The following SLC52A3 variants were observed in gnomAD, a reference collection of about 807,000 sequenced individuals.
The protein encoded by SLC52A3 is solute carrier family 52 member 3.
In SLC52A3, 20 loss-of-function variants were observed where a neutral mutation model predicts 29.5. The ratio of observed to expected loss-of-function variants is 0.68; its 90% CI spans 0.48 to 0.99. The LOEUF is 0.99. Ranked by LOEUF, SLC52A3 falls within the 50% of genes least tolerant of loss-of-function variation. The pLI is 0.00. For missense variants in SLC52A3, 548 were observed against 612.9 expected (o/e 0.89, Z 1.12); for synonymous variants, 301 against 271.0 (o/e 1.11, Z -1.09).
chr20:761,694 T>C lies in SLC52A3; in HGVS notation c.1197+7A>G. ...AGCGGGAGCAGCCCCACCGGCCGGA[T>C]ACTCACAATGAGGACTTCCCCACCC... On this transcript the variant is annotated splice_region_variant and intron_variant, in intron 4 of 4. Transcript: ENST00000645534. The C allele has an allele frequency of 6.2e-7, 1 of 1,613,600 alleles. No homozygotes were observed. Among genetic ancestry groups the C allele is most frequent in the Non-Finnish European group, 8.5e-7 (1 of 1,179,900 alleles).
intron 1 of SLC52A3, chr20:766,343 G>GTTCAATCCAACACACAAAAACAAAAA: frequency 6.5e-6 from 1 of 154,558 alleles, no homozygotes. Context: ...TTCTGCAAAA[G>GTTCAATCCAACACACAAAAACAAAAA]ATACCAACAG....
chr20:765,527 G>T lies in SLC52A3; in HGVS notation c.248C>A (p.Thr83Asn). The change falls in exon 2 of 5, where the codon ACC becomes AAC. Residue 83 changes from threonine (T) to asparagine (N), a missense_variant. This residue lies in a region of SLC52A3 where 375 missense variants were observed against 471.1 expected (regional missense o/e 0.80). Transcript: ENST00000645534. This position sits in a 1 kb window ranked among gnomAD's most constrained non-coding sequence, Gnocchi z 6.6. Reference protein sequence around the residue: ...PIIFTLLGVGTVTCIIFAFLW... With the variant: ...PIIFTLLGVGNVTCIIFAFLW... ...GAAGGCAAAGATGATGCAGGTGACG[G>T]TTCCCACGCCCAGCAGGGTGAAGAT... is the stretch of plus-strand genomic sequence containing the variant. The T allele has an allele frequency of 4.4e-6, 7 of 1,577,156 alleles. No homozygotes were observed. The highest frequency in any genetic ancestry group is 6.0e-6 in the Non-Finnish European group (7 of 1,161,244).
At chr20:777,737 G>A (rs1255030339), upstream of SLC52A3, among the ~76,000 whole-genome samples, 4 of 152,128 alleles carry the variant, frequency 2.6e-5, no homozygotes, top group African/African-American at 9.7e-5. Flanking sequence ...CAGACCCCTC[G>A]CTTAGCAGGC....
chr20:775,756 C>G (rs564837256), intron 1 of SLC52A3, among the ~76,000 whole-genome samples: 2 of 152,298 alleles, frequency 1.3e-5, no homozygotes, highest in East Asian at 3.9e-4. Context: ...GAGGAGGAAA[C>G]CTTTCTTCCC....
chr20:766,714 C>T (rs935099936), intron 1 of SLC52A3, among the ~76,000 whole-genome samples: 22 of 152,100 alleles, frequency 1.4e-4, no homozygotes, highest in African/African-American at 4.6e-4. Flanking sequence ...GGACTCAGCC[C>T]GCCTGCACCC....
chr20:761,420 G>T, intron 4 of SLC52A3, 182 bp from the exon 5 acceptor site: 1 of 783,776 alleles, frequency 1.3e-6, no homozygotes, highest in Non-Finnish European at 2.0e-6. Flanking sequence ...GGGCGAAGGA[G>T]AATCCAGTGG....
chr20:765,206 A>G lies in SLC52A3; in HGVS notation c.567+2T>C, dbSNP rs1371481945. On this transcript the variant is annotated splice_donor_variant, in intron 2 of 4. Coordinates refer to ENST00000645534, the MANE Select transcript of SLC52A3 (RefSeq NM_033409.4). LOFTEE classifies it high-confidence loss of function. The surrounding 1 kb of genome is among the most constrained non-coding windows in gnomAD (Gnocchi z 6.6). The stretch of plus-strand genomic sequence containing the variant: ...GAGATGGCTCCGGGTGATGCTGGGT[A>G]CCTGTGCGATGTCAGTCTCCCTCGT... 1.9e-6 allele frequency: 3 copies of G among 1,614,088 alleles called. No homozygotes were observed. Among genetic ancestry groups the G allele is most frequent in the South Asian group, 1.1e-5 (1 of 91,070 alleles).
At chr20:776,635 T>C (rs73602148), upstream of SLC52A3, among the ~76,000 whole-genome samples, 3 of 152,172 alleles carry the variant, frequency 2.0e-5, no homozygotes, top group African/African-American at 7.2e-5. Context: ...AGGGGTTCTT[T>C]CTGCCCACTG....
At chr20:778,993 TAATG>T (rs1987142482), upstream of SLC52A3, among the ~76,000 whole-genome samples, 2 of 152,222 alleles carry the variant, frequency 1.3e-5, no homozygotes, top group South Asian at 4.1e-4. Flanking sequence ...AATTTTTTAA[TAATG>T]AAACATCAAT....
intron 1 of SLC52A3, among the ~76,000 whole-genome samples, chr20:774,546 C>A (rs527554585): frequency 6.6e-6 from 1 of 152,080 alleles, no homozygotes; most frequent in Non-Finnish European, 1.5e-5. Context: ...CAGAAAGAAC[C>A]GAAAGCTAGA....
chr20:763,063 G>A (rs1049978759), intron 3 of SLC52A3, among the ~76,000 whole-genome samples: 3 of 152,246 alleles, frequency 2.0e-5, no homozygotes, highest in African/African-American at 7.2e-5. Flanking sequence ...AGGCAGGGCC[G>A]AAATCCTGGG....
Position 763,824 on chromosome 20 carries a change from CT to C in SLC52A3, c.746del (p.Glu249GlyfsTer40). On this transcript the variant is annotated frameshift_variant, in exon 3 of 5. Transcript: ENST00000645534. LOFTEE classifies it high-confidence loss of function. ...CATTGAGGAGGTCTTCCACGGAAGC[CT>C]CCCAGCACCTGGGTTGACGCTGGAG... ...FVLQRQPRCW[E>X]ASVEDLLNDQ... is the part of the protein sequence containing the mutation. 1 of 1,614,120 alleles carries C rather than the reference CT, an allele frequency of 6.2e-7. No homozygotes were observed. Among genetic ancestry groups the C allele is most frequent in the Non-Finnish European group, 8.5e-7 (1 of 1,180,000 alleles).
upstream of SLC52A3, among the ~76,000 whole-genome samples, chr20:771,740 T>C (rs1292005443): frequency 6.6e-6 from 1 of 151,330 alleles, no homozygotes; most frequent in East Asian, 1.9e-4. Flanking sequence ...CATATAGCAT[T>C]TGGTACCAAA....
upstream of SLC52A3, among the ~76,000 whole-genome samples, chr20:779,686 C>T (rs1211852715): frequency 6.6e-6 from 1 of 152,192 alleles, no homozygotes; most frequent in African/African-American, 2.4e-5. Flanking sequence ...TAACTCTTAA[C>T]TGTACAACTT....
upstream of SLC52A3, among the ~76,000 whole-genome samples, chr20:776,399 T>C (rs947771878): frequency 6.6e-6 from 1 of 152,194 alleles, no homozygotes; most frequent in African/African-American, 2.4e-5. Context: ...TAACTGCCAG[T>C]GTGCACTGAG....
At position 763,782 on chromosome 20, in the gene SLC52A3, G is replaced by C. The variant is rs762346537; in HGVS notation, c.789C>G (p.His263Gln). Residue 263 changes from histidine (H) to glutamine (Q), a missense_variant, in exon 3 of 5, where the codon CAC becomes CAG. Coordinates refer to ENST00000645534, the MANE Select transcript of SLC52A3 (RefSeq NM_033409.4). ...EDLLNDQVTL[H>Q]SIRPREENDL... is the part of the protein sequence containing the mutation. ...CATTCTCTTCCCGCGGCCGGATGGA[G>C]TGGAGGGTGACCTGGTCATTGAGGA... The C allele has an allele frequency of 1.2e-6, 2 of 1,614,160 alleles. No individual in the cohort carries two copies.
chr20:761,590 G>A lies in SLC52A3; in HGVS notation c.1197+111C>T, dbSNP rs1372971301. The A allele has an allele frequency of 4.6e-6, 7 of 1,516,454 alleles. No individual in the cohort carries two copies. The African/African-American group carries it at 8.2e-5, about 18-fold the overall frequency. The allele number at this position is 1,516,454 out of a possible 1,614,324, so 93.9% of individuals were successfully genotyped here. On this transcript the variant is annotated intron_variant, in intron 4 of 4. Transcript: ENST00000645534. Reference sequence around the variant, plus strand: ...GCTTCCCCCACCTGGGGCTTCCCGGGAGGGTCCCACAGACCCCGCTCGCTG... The same window carrying A: ...GCTTCCCCCACCTGGGGCTTCCCGGAAGGGTCCCACAGACCCCGCTCGCTG...
intron 3 of SLC52A3, among the ~76,000 whole-genome samples, chr20:763,004 C>T (rs756235012): frequency 6.6e-6 from 1 of 152,230 alleles, no homozygotes; most frequent in East Asian, 1.9e-4. Context: ...CCCAGCCATT[C>T]TTCTAGAACT....
At chr20:764,135 A>T in intron 2 of SLC52A3, 132 bp from the exon 3 acceptor site, 5 of 1,051,112 alleles carry the variant, frequency 4.8e-6, no homozygotes, top group Non-Finnish European at 1.4e-6. Context: ...ATAACTAACA[A>T]GGTGGCAATA....
Sources: gnomAD v4.1 joint callset for allele counts (sites outside exome capture counted in the v4.1 genomes callset) on GRCh38, gnomAD v4.1.1 for gene constraint, gnomAD v4.1.1 regional missense constraint, Gnocchi (gnomAD v3.1) non-coding constraint, MANE v1.5 for transcripts, NCBI Gene and HGNC (gene_info 2026-07-23, HGNC 2026-07-21) for gene names.